The following FAM171A1 variants were observed in gnomAD, a reference collection of about 807,000 sequenced individuals.
FAM171A1 encodes protein FAM171A1.
A neutral mutation model predicts 74.9 loss-of-function variants in FAM171A1; 23 were observed. That is an observed-to-expected ratio of 0.31 (90% CI 0.22 to 0.44). FAM171A1 has a LOEUF of 0.44. Among genes scored for constraint, FAM171A1 ranks in the 20% least tolerant of loss-of-function variants. The probability of loss-of-function intolerance (pLI) is 1.00; values close to 1 mark genes in which losing one functional copy is unlikely to be tolerated. For missense variants in FAM171A1, 1,162 were observed against 1,159.2 expected, an observed-to-expected ratio of 1.00 and a Z score of -0.03; for synonymous variants, 527 against 505.7, an observed-to-expected ratio of 1.04 and a Z score of -0.57.
At chr10:15,317,918 G>A (rs1477539202) in intron 1 of FAM171A1, among the ~76,000 whole-genome samples, 6 of 152,070 alleles carry the variant, frequency 3.9e-5, no homozygotes, top group Non-Finnish European at 8.8e-5. Context: ...AGCCTCCTGA[G>A]TAGCTGGGAC....
chr10:15,296,318 ATATGT>A (rs1235782314), intron 1 of FAM171A1, among the ~76,000 whole-genome samples: 1 of 152,098 alleles, frequency 6.6e-6, no homozygotes, highest in African/African-American at 2.4e-5. Context: ...AGTATAATCT[ATATGT>A]TATGTAACAT....
intron 1 of FAM171A1, among the ~76,000 whole-genome samples, chr10:15,352,502 T>C (rs779081414): frequency 6.6e-6 from 1 of 152,212 alleles, no homozygotes; most frequent in African/African-American, 2.4e-5. Flanking sequence ...CTTTAACATG[T>C]ATTGATTTAG....
At chr10:15,373,255 T>C (rs1836170771), upstream of FAM171A1, among the ~76,000 whole-genome samples, 1 of 152,242 alleles carries the variant, frequency 6.6e-6, no homozygotes, top group Admixed American at 6.5e-5. Flanking sequence ...TAGGGACTGC[T>C]GGATTCCCTC....
intron 2 of FAM171A1, among the ~76,000 whole-genome samples, chr10:15,279,457 C>T (rs1834938187): frequency 6.6e-6 from 1 of 151,932 alleles, no homozygotes; most frequent in Non-Finnish European, 1.5e-5. Context: ...GGTAGTGCTG[C>T]TTTTTTCCCA....
intron 1 of FAM171A1, among the ~76,000 whole-genome samples, chr10:15,364,857 T>G (rs1376591051): frequency 2.6e-5 from 4 of 152,196 alleles, no homozygotes; most frequent in African/African-American, 9.7e-5. Context: ...CTTGCTTCTA[T>G]TAGCACATCT....
intron 1 of FAM171A1, among the ~76,000 whole-genome samples, chr10:15,291,440 G>A (rs55895317): frequency 0.14 from 20,743 of 152,128 alleles, 1,615 homozygotes; most frequent in Non-Finnish European, 0.18. Flanking sequence ...CATTGTAAGC[G>A]CTCAACAGCC....
intron 1 of FAM171A1, among the ~76,000 whole-genome samples, chr10:15,331,827 G>A (rs867050985): frequency 7.1e-5 from 7 of 98,278 alleles, no homozygotes; most frequent in Admixed American, 2.3e-4. Flanking sequence ...GTATATATAT[G>A]TGTGTATATA....
rs774698433 is a variant in FAM171A1, at chr10:15,213,918, G to A, written c.1670C>T (p.Pro557Leu). The change falls in exon 8 of 8, where the codon CCC becomes CTC. Residue 557 changes from proline (P) to leucine (L), a missense_variant. Physicochemically the swap from Pro to Leu is moderately conservative, Grantham distance 98. Transcript: ENST00000378116. The surrounding 1 kb of genome is among the most constrained non-coding windows in gnomAD (Gnocchi z 6.8). The part of the protein sequence containing the change: ...HLERPTSFPR[P>L]GQLICCSSVD... ...AGAACTGCAGCAGATTAACTGGCCG[G>A]GCCGTGGGAAGGACGTAGGTCTCTC... 2 of 1,614,196 alleles carry A rather than the reference G, an allele frequency of 1.2e-6. No individual in the cohort carries two copies. The highest frequency in any genetic ancestry group is 1.7e-6 in the Non-Finnish European group (2 of 1,180,048).
intron 1 of FAM171A1, among the ~76,000 whole-genome samples, chr10:15,346,173 G>A (rs1835815487): frequency 6.6e-6 from 1 of 152,158 alleles, no homozygotes; most frequent in African/African-American, 2.4e-5. Flanking sequence ...TCAGCTCACT[G>A]CAGCCTCCAA....
chr10:15,309,931 A>G (rs1422816088), intron 1 of FAM171A1, among the ~76,000 whole-genome samples: 2 of 152,192 alleles, frequency 1.3e-5, no homozygotes, highest in African/African-American at 4.8e-5. Flanking sequence ...AACACAAAAG[A>G]TATGTTTAAT....
intron 1 of FAM171A1, among the ~76,000 whole-genome samples, chr10:15,343,537 C>T (rs763226543): frequency 3.3e-5 from 5 of 152,122 alleles, no homozygotes; most frequent in South Asian, 2.1e-4. Flanking sequence ...CCAGAGAGGA[C>T]GACATCTGAA....
chr10:15,263,001 G>C (rs936377495), intron 3 of FAM171A1, among the ~76,000 whole-genome samples: 1 of 152,134 alleles, frequency 6.6e-6, no homozygotes, highest in Non-Finnish European at 1.5e-5. Context: ...TGGGGCGAGG[G>C]GCATATGGAG....
chr10:15,366,666 TC>T (rs1836066023), intron 1 of FAM171A1, among the ~76,000 whole-genome samples: 7 of 152,202 alleles, frequency 4.6e-5, no homozygotes, highest in African/African-American at 1.7e-4. Context: ...CAGGACAAAC[TC>T]CTCTCTCTAG....
intron 3 of FAM171A1, among the ~76,000 whole-genome samples, chr10:15,262,454 C>T (rs1340976561): frequency 1.3e-5 from 2 of 152,000 alleles, no homozygotes; most frequent in Non-Finnish European, 2.9e-5. Flanking sequence ...GAGAGAGGGC[C>T]AGAGAAAGGA....
At chr10:15,262,258 G>C (rs1564626113) in intron 3 of FAM171A1, among the ~76,000 whole-genome samples, 2 of 152,220 alleles carry the variant, frequency 1.3e-5, no homozygotes. Flanking sequence ...TGCAGAGTCT[G>C]ATGTCAGAGC....
rs1197227608 is a variant in FAM171A1 at position 15,314,962 on chromosome 10, T to TC, written c.98-30858_98-30857insG. On this transcript the variant is annotated intron_variant, in intron 1 of 7. Transcript: ENST00000378116. Reference sequence around the variant, plus strand: ...TGGGTGGCTGAGTTTCAGCTGAGCCTAGCCTTTCCTCATATCAGAATGGTA... The same window carrying TC: ...TGGGTGGCTGAGTTTCAGCTGAGCCTCAGCCTTTCCTCATATCAGAATGGTA... Among the ~76,000 whole-genome samples, 345 of 152,372 alleles carry TC rather than the reference T, an allele frequency of 2.3e-3. 1 individual carries two copies. Among genetic ancestry groups the TC allele is most frequent in the African/African-American group, 8.0e-3 (333 of 41,592 alleles).
Position 15,213,745 on chromosome 10 carries a change from G to T in FAM171A1, c.1843C>A (p.Gln615Lys). 1 of 1,613,900 alleles carries T rather than the reference G, an allele frequency of 6.2e-7. No homozygotes were observed. The highest frequency in any genetic ancestry group is 8.5e-7 in the Non-Finnish European group (1 of 1,179,868). ...ADQQLEIERL[Q>K]AELSNPHAGI... ...GCATGGGGATTGGACAGCTCAGCCT[G>T]TAGTCTTTCTATCTCAAGCTGCTGA... The change falls in exon 8 of 8, where the codon CAG becomes AAG. Residue 615 changes from glutamine (Q) to lysine (K), a missense_variant. Gln to Lys is a moderately conservative substitution (Grantham distance 53). Coordinates refer to ENST00000378116, the MANE Select transcript of FAM171A1 (RefSeq NM_001010924.2). This position sits in a 1 kb window ranked among gnomAD's most constrained non-coding sequence, Gnocchi z 6.8.
intron 1 of FAM171A1, among the ~76,000 whole-genome samples, chr10:15,336,930 C>T (rs745433173): frequency 5.3e-5 from 8 of 151,936 alleles, no homozygotes; most frequent in Non-Finnish European, 1.2e-4. Context: ...AGGCTCTTGC[C>T]CTGCTGCCCG....
intron 5 of FAM171A1, among the ~76,000 whole-genome samples, 174 bp downstream of exon 5, chr10:15,248,465 G>A (rs899947362): frequency 6.6e-6 from 1 of 152,144 alleles, no homozygotes; most frequent in Non-Finnish European, 1.5e-5. Flanking sequence ...CCCAAGAGAG[G>A]GTCTGAATGG....
Sources: gnomAD v4.1 joint callset for allele counts (sites outside exome capture counted in the v4.1 genomes callset) on GRCh38, gnomAD v4.1.1 for gene constraint, Gnocchi (gnomAD v3.1) non-coding constraint, MANE v1.5 for transcripts, NCBI Gene and HGNC (gene_info 2026-07-23, HGNC 2026-07-21) for gene names.